The following SNX29 variants were observed in gnomAD, a reference collection of about 807,000 sequenced individuals.
SNX29 encodes sorting nexin 29.
In SNX29, 78 loss-of-function variants were observed where a neutral mutation model predicts 102.1. That is an observed-to-expected ratio of 0.76 (90% CI 0.64 to 0.92). SNX29 has a LOEUF of 0.92. Ranked by LOEUF, SNX29 falls within the 40% of genes least tolerant of loss-of-function variation. The pLI is 0.00. For missense variants in SNX29, 1,280 were observed against 1,061.7 expected, an observed-to-expected ratio of 1.21 and a Z score of -2.86; for synonymous variants, 580 against 414.5, an observed-to-expected ratio of 1.40 and a Z score of -4.85.
rs191195638 is a variant in SNX29, at chr16:12,569,374, C to G, written c.*745C>G. Reference sequence around the variant, plus strand: ...TCGCCAGGCTTGGAGTGGGGGGACTCAGACATCTGGCCCAGCCATCAGCAG... The same window carrying G: ...TCGCCAGGCTTGGAGTGGGGGGACTGAGACATCTGGCCCAGCCATCAGCAG... On this transcript the variant is annotated 3_prime_UTR_variant, in exon 21 of 21. Coordinates refer to ENST00000566228, the MANE Select transcript of SNX29 (RefSeq NM_032167.5). 3 of 230,636 alleles carry G rather than the reference C, an allele frequency of 1.3e-5. No individual in the cohort carries two copies. Among genetic ancestry groups the G allele is most frequent in the Admixed American group, 5.7e-5 (1 of 17,654 alleles). 14.3% of individuals were successfully genotyped at this position (230,636 alleles called of 1,614,324 possible). A position where few individuals can be genotyped will look rare whatever the true frequency, so the allele number is the denominator to read the frequency against.
At chr16:12,302,221 G>A (rs746084978) in intron 15 of SNX29, among the ~76,000 whole-genome samples, 2 of 152,152 alleles carry the variant, frequency 1.3e-5, no homozygotes, top group Non-Finnish European at 2.9e-5. Flanking sequence ...GGAAACAGAT[G>A]AATATAAGCA....
rs1005857927 is a variant in SNX29, at chr16:12,541,395, T to C, written c.2318+16554T>C. On this transcript the variant is annotated intron_variant, in intron 20 of 20. Transcript: ENST00000566228. The stretch of plus-strand genomic sequence containing the variant: ...AGGGCAGTTACCATGTGCAGGCTCA[T>C]TGTACAGATAAAGAAACTGAGGCTC... Among the ~76,000 whole-genome samples, 12 of 152,144 alleles carry C rather than the reference T, an allele frequency of 7.9e-5. 1 individual carries two copies. The highest frequency in any genetic ancestry group is 2.9e-4 in the African/African-American group (12 of 41,420).
chr16:12,434,979 G>GT (rs2085473509), intron 18 of SNX29, among the ~76,000 whole-genome samples: 1 of 151,642 alleles, frequency 6.6e-6, no homozygotes, highest in South Asian at 2.1e-4. Context: ...GGGGGCGGTG[G>GT]GGGGGGTTTG....
chr16:12,445,790 G>C (rs2086020261), intron 18 of SNX29, among the ~76,000 whole-genome samples: 1 of 152,162 alleles, frequency 6.6e-6, no homozygotes, highest in African/African-American at 2.4e-5. Context: ...TGGATTGAGT[G>C]CTTTACAGAT....
At chr16:12,458,571 A>C (rs1270519150) in intron 18 of SNX29, among the ~76,000 whole-genome samples, 1 of 152,166 alleles carries the variant, frequency 6.6e-6, no homozygotes, top group Non-Finnish European at 1.5e-5. Flanking sequence ...GGGAGAAAGG[A>C]AGTATTTATA....
chr16:12,123,543 T>C (rs939345895), intron 11 of SNX29, among the ~76,000 whole-genome samples: 3 of 152,146 alleles, frequency 2.0e-5, no homozygotes, highest in African/African-American at 7.2e-5. Context: ...CATATACATA[T>C]ACATCTATGC....
At chr16:12,420,118 T>C (rs763534079) in intron 18 of SNX29, among the ~76,000 whole-genome samples, 5 of 152,350 alleles carry the variant, frequency 3.3e-5, no homozygotes, top group Non-Finnish European at 5.9e-5. Flanking sequence ...AACAGCCTCC[T>C]GGCCTCTACC....
chr16:12,201,455 C>G (rs1287571110), intron 14 of SNX29, among the ~76,000 whole-genome samples: 1 of 152,150 alleles, frequency 6.6e-6, no homozygotes, highest in African/African-American at 2.4e-5. Flanking sequence ...AGGTATTTTT[C>G]TGTTATTTTA....
intron 14 of SNX29, among the ~76,000 whole-genome samples, chr16:12,228,544 T>C (rs1339298062): frequency 6.6e-6 from 1 of 152,220 alleles, no homozygotes; most frequent in Non-Finnish European, 1.5e-5. Flanking sequence ...GCTCAAGATA[T>C]TTTCCTGCTT....
intron 16 of SNX29, among the ~76,000 whole-genome samples, chr16:12,363,922 G>A (rs2151340346): frequency 6.6e-6 from 1 of 152,320 alleles, no homozygotes; most frequent in South Asian, 2.1e-4. Flanking sequence ...CCAACAGGAT[G>A]CTCAAATGAG....
intron 14 of SNX29, among the ~76,000 whole-genome samples, chr16:12,266,911 C>T (rs963146222): frequency 2.0e-5 from 3 of 151,950 alleles, no homozygotes; most frequent in African/African-American, 7.2e-5. Flanking sequence ...TTACAGACAC[C>T]CGCCACCACG....
At chr16:12,036,480 G>A (rs1459083995) in intron 4 of SNX29, among the ~76,000 whole-genome samples, 2 of 151,886 alleles carry the variant, frequency 1.3e-5, no homozygotes. Context: ...GACTACAGGT[G>A]CCCGCCACCA....
At chr16:12,488,986 C>T (rs549019697) in intron 19 of SNX29, among the ~76,000 whole-genome samples, 3 of 152,184 alleles carry the variant, frequency 2.0e-5, no homozygotes, top group South Asian at 2.1e-4. Context: ...CAAAGTATTT[C>T]TGGGGCTGTG....
chr16:12,557,016 C>CT (rs1555458246), intron 20 of SNX29, among the ~76,000 whole-genome samples: 1 of 11,916 alleles, frequency 8.4e-5, no homozygotes, highest in African/African-American at 2.1e-4. Context: ...GGCTAATTTA[C>CT]CCCCCCCCCG....
intron 3 of SNX29, among the ~76,000 whole-genome samples, chr16:12,007,502 C>G (rs2056496118): frequency 6.6e-6 from 1 of 151,884 alleles, no homozygotes; most frequent in South Asian, 2.1e-4. Flanking sequence ...AAGACTCTCT[C>G]AAAAAAATAA....
chr16:12,346,565 G>A (rs1001569861), intron 15 of SNX29, among the ~76,000 whole-genome samples: 7 of 152,112 alleles, frequency 4.6e-5, no homozygotes, highest in East Asian at 1.9e-4. Context: ...ACCCTCTCCC[G>A]TACTGCTCTC....
At chr16:12,385,375 A>G (rs577020030) in intron 16 of SNX29, among the ~76,000 whole-genome samples, 1 of 152,332 alleles carries the variant, frequency 6.6e-6, no homozygotes, top group East Asian at 1.9e-4. Flanking sequence ...ACTTGTTCAT[A>G]GAGGATCTTG....
At chr16:12,367,767 G>C (rs949387655) in intron 16 of SNX29, among the ~76,000 whole-genome samples, 3 of 152,198 alleles carry the variant, frequency 2.0e-5, no homozygotes, top group Non-Finnish European at 4.4e-5. Context: ...AATTATAAGA[G>C]GCTTTTTAAC....
At chr16:12,226,483 G>C (rs868492927) in intron 14 of SNX29, among the ~76,000 whole-genome samples, 1 of 152,118 alleles carries the variant, frequency 6.6e-6, no homozygotes, top group African/African-American at 2.4e-5. Context: ...TTGTGGAGCT[G>C]AAGGGGTCTG....
Sources: gnomAD v4.1 joint callset for allele counts (sites outside exome capture counted in the v4.1 genomes callset) on GRCh38, gnomAD v4.1.1 for gene constraint, MANE v1.5 for transcripts, NCBI Gene and HGNC (gene_info 2026-07-23, HGNC 2026-07-21) for gene names.